The following GREM2 variants were observed in gnomAD, a reference collection of about 807,000 sequenced individuals.
The protein encoded by GREM2 is gremlin 2, DAN family BMP antagonist.
GREM2 carries 11 observed loss-of-function variants against 14.2 expected under a neutral mutation model. The observed-to-expected ratio is 0.78, with a 90% confidence interval of 0.49 to 1.28. The LOEUF (loss-of-function observed/expected upper bound fraction) is 1.28, where lower values mean the gene tolerates loss of function less well. GREM2 is among the 50% of genes most tolerant of loss of function. GREM2 has a pLI of 0.00. For missense variants in GREM2, 210 were observed against 218.5 expected (o/e 0.96, Z 0.24); for synonymous variants, 98 against 97.6 (o/e 1.00, Z -0.02).
At chr1:240,526,123 T>C (rs1374890743) in intron 1 of GREM2, among the ~76,000 whole-genome samples, 1 of 152,114 alleles carries the variant, frequency 6.6e-6, no homozygotes, top group Admixed American at 6.5e-5. Flanking sequence ...CTTAACTGAA[T>C]CATATCTACA....
intron 1 of GREM2, among the ~76,000 whole-genome samples, chr1:240,510,346 G>T (rs1020621169): frequency 7.7e-6 from 1 of 129,854 alleles, no homozygotes; most frequent in Admixed American, 9.7e-5. Context: ...CTCCAGCCTG[G>T]GCGACAGAGC....
chr1:240,579,453 C>T (rs1387207664), intron 1 of GREM2, among the ~76,000 whole-genome samples: 3 of 152,162 alleles, frequency 2.0e-5, no homozygotes, highest in African/African-American at 2.4e-5. Context: ...AATAATCATT[C>T]CTACGTCACA....
intron 1 of GREM2, among the ~76,000 whole-genome samples, chr1:240,595,007 G>C (rs915231197): frequency 6.6e-6 from 1 of 152,094 alleles, no homozygotes; most frequent in Non-Finnish European, 1.5e-5. Context: ...AGTTTGTCTT[G>C]ACCAAAATGT....
At chr1:240,589,799 T>C (rs1239743357) in intron 1 of GREM2, among the ~76,000 whole-genome samples, 1 of 152,044 alleles carries the variant, frequency 6.6e-6, no homozygotes, top group East Asian at 1.9e-4. Flanking sequence ...AAGTGCAAAG[T>C]CCTTTGGGAG....
intron 1 of GREM2, among the ~76,000 whole-genome samples, chr1:240,545,585 G>C (rs1357855761): frequency 1.4e-5 from 2 of 145,496 alleles, no homozygotes; most frequent in African/African-American, 2.6e-5. Context: ...CTTGGCATCA[G>C]AAATGGGGTA....
intron 1 of GREM2, among the ~76,000 whole-genome samples, chr1:240,522,779 A>T (rs1444985192): frequency 6.6e-6 from 1 of 152,212 alleles, no homozygotes. Context: ...AGGAAAGAAC[A>T]CTTCATCTAT....
At chr1:240,510,701 G>A (rs972128682) in intron 1 of GREM2, among the ~76,000 whole-genome samples, 5 of 152,250 alleles carry the variant, frequency 3.3e-5, no homozygotes, top group Admixed American at 2.6e-4. Context: ...AAAAGTTTTC[G>A]ATGAACAAAT....
intron 1 of GREM2, among the ~76,000 whole-genome samples, chr1:240,547,266 C>T (rs536902119): frequency 2.0e-5 from 3 of 151,846 alleles, no homozygotes; most frequent in Admixed American, 6.6e-5. Context: ...TTTGGGAGGC[C>T]GAGGTGGGCG....
At chr1:240,593,416 A>G (rs547093327) in intron 1 of GREM2, among the ~76,000 whole-genome samples, 6 of 152,182 alleles carry the variant, frequency 3.9e-5, no homozygotes, top group Non-Finnish European at 8.8e-5. Context: ...TTCTGTTTCC[A>G]CCAGTTATGA....
chr1:240,590,021 G>A (rs546084556), intron 1 of GREM2, among the ~76,000 whole-genome samples: 2 of 152,280 alleles, frequency 1.3e-5, no homozygotes, highest in Admixed American at 6.5e-5. Flanking sequence ...ATGGTGGGAG[G>A]TGGAAGAGAT....
Position 240,492,579 on chromosome 1 carries a change from C to T in GREM2, c.*390G>A, listed in dbSNP as rs188303972. 83 of 163,220 alleles carry T rather than the reference C, an allele frequency of 5.1e-4. No homozygotes were observed. Among genetic ancestry groups the T allele is most frequent in the African/African-American group, 1.9e-3 (81 of 42,138 alleles). The allele number at this position is 163,220 out of a possible 1,614,324, so 10.1% of individuals were successfully genotyped here. On this transcript the variant is annotated 3_prime_UTR_variant, in exon 2 of 2. Coordinates refer to ENST00000318160, the MANE Select transcript of GREM2 (RefSeq NM_022469.4). Reference sequence around the variant, plus strand: ...TCCTTCACTTCGCGCGGGAAAGGGGCGAGCTGGAGTGCAGGGCGGGGCCAG... The same window carrying T: ...TCCTTCACTTCGCGCGGGAAAGGGGTGAGCTGGAGTGCAGGGCGGGGCCAG...
intron 1 of GREM2, among the ~76,000 whole-genome samples, chr1:240,576,026 A>G (rs1679367081): frequency 1.3e-5 from 2 of 152,198 alleles, no homozygotes; most frequent in African/African-American, 4.8e-5. Context: ...AGAAAGATGA[A>G]TTAAATTGCT....
At chr1:240,517,201 T>C (rs1169809564) in intron 1 of GREM2, among the ~76,000 whole-genome samples, 1 of 152,232 alleles carries the variant, frequency 6.6e-6, no homozygotes, top group African/African-American at 2.4e-5. Context: ...TTCAAACTTA[T>C]GATTTTAAAA....
At chr1:240,500,272 T>C (rs1176040689) in intron 1 of GREM2, among the ~76,000 whole-genome samples, 7 of 152,044 alleles carry the variant, frequency 4.6e-5, no homozygotes, top group South Asian at 2.1e-4. Context: ...ATGTTCTGTG[T>C]ATCAGAGTAT....
intron 1 of GREM2, among the ~76,000 whole-genome samples, chr1:240,573,343 G>A (rs1002356896): frequency 3.3e-5 from 5 of 151,698 alleles, no homozygotes; most frequent in African/African-American, 9.7e-5. Context: ...CATCACAATC[G>A]TAAATAAGGA....
At chr1:240,547,619 G>A (rs553673518) in intron 1 of GREM2, among the ~76,000 whole-genome samples, 41 of 151,554 alleles carry the variant, frequency 2.7e-4, no homozygotes, top group African/African-American at 8.5e-4. Context: ...GTGGAGAAGA[G>A]GAGATTCAAA....
At chr1:240,533,013 A>C (rs1227721658) in intron 1 of GREM2, among the ~76,000 whole-genome samples, 3 of 152,222 alleles carry the variant, frequency 2.0e-5, no homozygotes, top group Non-Finnish European at 4.4e-5. Context: ...AGGTACTGTA[A>C]TTGATATTGC....
At chr1:240,579,452 T>C (rs1679438013) in intron 1 of GREM2, among the ~76,000 whole-genome samples, 1 of 152,184 alleles carries the variant, frequency 6.6e-6, no homozygotes, top group African/African-American at 2.4e-5. Flanking sequence ...TAATAATCAT[T>C]CCTACGTCAC....
At chr1:240,603,464 C>A (rs896757383) in intron 1 of GREM2, among the ~76,000 whole-genome samples, 1 of 152,042 alleles carries the variant, frequency 6.6e-6, no homozygotes, top group Non-Finnish European at 1.5e-5. Context: ...AGGCATGGCT[C>A]CTCTCCCATC....
Sources: gnomAD v4.1 joint callset for allele counts (sites outside exome capture counted in the v4.1 genomes callset) on GRCh38, gnomAD v4.1.1 for gene constraint, MANE v1.5 for transcripts, NCBI Gene and HGNC (gene_info 2026-07-23, HGNC 2026-07-21) for gene names.